Variants in SBNO2 observed in about 807,000 individuals in gnomAD.
SBNO2 encodes strawberry notch homolog 2.
A neutral mutation model predicts 146.3 loss-of-function variants in SBNO2; 89 were observed. The observed-to-expected ratio is 0.61, with a 90% CI of 0.51 to 0.73. The LOEUF (loss-of-function observed/expected upper bound fraction) is 0.73. SBNO2 is among the 30% of genes least tolerant of loss of function. The pLI is 0.00. For missense variants in SBNO2, 2,092 were observed against 2,003.7 expected (o/e 1.04, Z -0.84); for synonymous variants, 1,147 against 892.6 (o/e 1.29, Z -5.08).
rs2080088037 is a variant in SBNO2 at position 1,136,744 on chromosome 19, C to G, written c.280-8979G>C. 6.6e-6 allele frequency among the ~76,000 whole-genome samples: 1 copy of G among 152,222 alleles called. No homozygotes were observed. The highest frequency in any genetic ancestry group is 1.5e-5 in the Non-Finnish European group (1 of 68,036). On this transcript the variant is annotated intron_variant, in intron 4 of 31. Transcript: ENST00000361757. The surrounding 1 kb of genome is among the most constrained non-coding windows in gnomAD (Gnocchi z 4.2). ...GCATCTGACCCCTGCTGAAACGCAT[C>G]TGCAGAACAGTCAATGCTGCCTGCC... is the stretch of plus-strand genomic sequence containing the variant.
At chr19:1,166,615 GCGCACACACACACACA>G (rs1206407734) in intron 1 of SBNO2, among the ~76,000 whole-genome samples, 2 of 98,328 alleles carry the variant, frequency 2.0e-5, no homozygotes, top group Admixed American at 9.0e-5. Context: ...GCAACTGCAC[GCGCACACACACACACA>G]CACACACACA....
Position 1,122,518 on chromosome 19 carries a change from C to G in SBNO2, c.955G>C (p.Asp319His). The change falls in exon 10 of 32, where the codon GAC (aspartate) becomes CAC (histidine). Residue 319 changes from aspartate (D) to histidine (H), a missense_variant. By Grantham distance (81) the Asp-to-His change is moderately conservative. Coordinates refer to ENST00000361757, the MANE Select transcript of SBNO2 (RefSeq NM_014963.3). The part of the protein sequence containing the change: ...SNDLKYDAER[D>H]LRDIEATGIA... Reference sequence around the variant, plus strand: ...CCCGTGGCTTCGATGTCCCGCAGGTCGCGCTCCGCATCGTACTTGAGGTCG... The same window carrying G: ...CCCGTGGCTTCGATGTCCCGCAGGTGGCGCTCCGCATCGTACTTGAGGTCG... The G allele has an allele frequency of 6.4e-7, 1 of 1,564,468 alleles. No individual in the cohort carries two copies. Among genetic ancestry groups the G allele is most frequent in the Non-Finnish European group, 8.6e-7 (1 of 1,156,972 alleles).
At chr19:1,132,013 C>T (rs534018924) in intron 4 of SBNO2, 113 of 1,175,192 alleles carry the variant, frequency 9.6e-5, no homozygotes, top group Middle Eastern at 8.1e-4. Flanking sequence ...GCAGGGGGCC[C>T]GGCCGTCCTG....
At position 1,150,368 on chromosome 19, in the gene SBNO2, T is replaced by C. The variant is rs1003284539; in HGVS notation, c.94-926A>G. On this transcript the variant is annotated intron_variant, in intron 2 of 31. Transcript: ENST00000361757. This position sits in a 1 kb window ranked among gnomAD's most constrained non-coding sequence, Gnocchi z 6.2. ...TGTGGACACCTCGTGCCCTGCAGAA[T>C]GGGCACCCCTCAGCAGGGCCCCCAC... 4.6e-5 allele frequency among the ~76,000 whole-genome samples: 7 copies of C among 151,994 alleles called. No homozygotes were observed. Among genetic ancestry groups the C allele is most frequent in the African/African-American group, 1.7e-4 (7 of 41,386 alleles).
At chr19:1,139,535 C>A (rs74979340) in intron 4 of SBNO2, among the ~76,000 whole-genome samples, 6,151 of 152,210 alleles carry the variant, frequency 0.04, 201 homozygotes, top group East Asian at 0.16. Context: ...TGGCTCGCAC[C>A]TGTAATCCCG....
intron 13 of SBNO2, 53 bp from the exon 14 acceptor site, chr19:1,119,217 C>A: frequency 2.5e-5 from 38 of 1,546,486 alleles, no homozygotes; most frequent in Non-Finnish European, 3.3e-5. Flanking sequence ...GGGGATGGAG[C>A]CACTCGGAGC....
At chr19:1,132,304 C>T (rs1360694061) in intron 4 of SBNO2, 3 of 1,309,040 alleles carry the variant, frequency 2.3e-6, no homozygotes, top group African/African-American at 1.5e-5. Context: ...GCGCCTACTT[C>T]CTCTAAGGCC....
chr19:1,116,426 C>T (rs2079832925), intron 16 of SBNO2, among the ~76,000 whole-genome samples: 1 of 151,570 alleles, frequency 6.6e-6, no homozygotes, highest in Non-Finnish European at 1.5e-5. Flanking sequence ...AGCTCCGACC[C>T]CCAGGCAATG....
chr19:1,150,911 C>T lies in SBNO2; in HGVS notation c.94-1469G>A, dbSNP rs1404569697. On this transcript the variant is annotated intron_variant, in intron 2 of 31. Coordinates refer to ENST00000361757, the MANE Select transcript of SBNO2 (RefSeq NM_014963.3). This position sits in a 1 kb window ranked among gnomAD's most constrained non-coding sequence, Gnocchi z 6.2. ...GGTGACCGCTGCCCCGCTCCTCCAGCTTTTGCATAAAATAAGTTTATCAGC... is the reference window on the plus strand; with the variant it reads ...GGTGACCGCTGCCCCGCTCCTCCAGTTTTTGCATAAAATAAGTTTATCAGC... 6.6e-6 allele frequency among the ~76,000 whole-genome samples: 1 copy of T among 152,202 alleles called. No individual in the cohort carries two copies. The highest frequency in any genetic ancestry group is 1.5e-5 in the Non-Finnish European group (1 of 68,022).
chr19:1,113,598 T>C lies in SBNO2; in HGVS notation c.2184A>G (p.Glu728=). 2 of 1,598,180 alleles carry C rather than the reference T, an allele frequency of 1.3e-6. No homozygotes were observed. The highest frequency in any genetic ancestry group is 8.5e-7 in the Non-Finnish European group (1 of 1,174,434). The change falls in exon 19 of 32, where the codon GAA becomes GAG. Residue 728 remains glutamate, a synonymous_variant. Transcript: ENST00000361757. ...LLDKVRRLGR[E]LPVNTLDELI... is the part of the protein sequence containing the mutation. Reference sequence around the variant, plus strand: ...GCTCGTCCAGGGTGTTGACTGGCAGTTCCCGGCCCAGCCGCCGCACTTTGT... The same window carrying C: ...GCTCGTCCAGGGTGTTGACTGGCAGCTCCCGGCCCAGCCGCCGCACTTTGT...
chr19:1,141,543 G>A (rs1451245987), intron 4 of SBNO2, among the ~76,000 whole-genome samples: 1 of 151,860 alleles, frequency 6.6e-6, no homozygotes, highest in African/African-American at 2.4e-5. Context: ...TTTGTATAGA[G>A]ATGAGGTCTC....
At position 1,112,306 on chromosome 19, in the gene SBNO2, G is replaced by A. The variant is rs951449083; in HGVS notation, c.2516-5C>T. The A allele has an allele frequency of 1.9e-6, 3 of 1,580,306 alleles. No homozygotes were observed. Among genetic ancestry groups the A allele is most frequent in the South Asian group, 2.3e-5 (2 of 87,198 alleles). ...GGTTGGACCGGTGGGTGCGGCCTGG[G>A]GGCAGAGCTGCTCTCAGGGCCCGGC... On this transcript the variant is annotated splice_region_variant and splice_polypyrimidine_tract_variant and intron_variant, in intron 21 of 31. Coordinates refer to ENST00000361757, the MANE Select transcript of SBNO2 (RefSeq NM_014963.3). This position sits in a 1 kb window ranked among gnomAD's most constrained non-coding sequence, Gnocchi z 5.9.
At chr19:1,111,432 G>GC in intron 24 of SBNO2, 74 bp downstream of exon 24, 3 of 1,039,174 alleles carry the variant, frequency 2.9e-6, no homozygotes, top group Non-Finnish European at 4.4e-6. Flanking sequence ...AAAGCCTGCT[G>GC]CCCCAGCTGC....
At chr19:1,147,732 A>G (rs537436528) in intron 3 of SBNO2, among the ~76,000 whole-genome samples, 1 of 152,146 alleles carries the variant, frequency 6.6e-6, no homozygotes, top group South Asian at 2.1e-4. Context: ...GGACTCGGCT[A>G]AGGGTTCATT....
Position 1,108,639 on chromosome 19 carries a change from C to G in SBNO2, c.3682G>C (p.Val1228Leu). ...LQELRLMDAD[V>L]KRRQAPALGC... ...AGGGCGGGCGCCTGCCTGCGCTTCA[C>G]GTCCGCATCCATCAGCCGCAGCTCC... Residue 1228 changes from valine (V) to leucine (L), a missense_variant, in exon 32 of 32, where the codon GTG becomes CTG. Physicochemically the swap from Val to Leu is conservative, Grantham distance 32. Transcript: ENST00000361757. 1 of 1,504,982 alleles carries G rather than the reference C, an allele frequency of 6.6e-7. No homozygotes were observed. The highest frequency in any genetic ancestry group is 8.8e-7 in the Non-Finnish European group (1 of 1,134,384). 93.2% of individuals were successfully genotyped at this position (1,504,982 alleles called of 1,614,324 possible).
At position 1,157,978 on chromosome 19, in the gene SBNO2, GA is replaced by G. The variant is rs1463917680; in HGVS notation, c.-126-3577del. 6.7e-6 allele frequency among the ~76,000 whole-genome samples: 1 copy of G among 149,640 alleles called. No individual in the cohort carries two copies. The highest frequency in any genetic ancestry group is 1.5e-5 in the Non-Finnish European group (1 of 67,554). On this transcript the variant is annotated intron_variant, in intron 1 of 31. Transcript: ENST00000361757. This position sits in a 1 kb window ranked among gnomAD's most constrained non-coding sequence, Gnocchi z 6.8. The stretch of plus-strand genomic sequence containing the variant: ...GCCTCCCAGCTCTCTCCTGAGTCCG[GA>G]TAACTGTCCGCCTCCCAGCTCTCTC...
rs376878829 is a variant in SBNO2, at chr19:1,154,302, C to T, written c.-26G>A. 41 of 1,228,748 alleles carry T rather than the reference C, an allele frequency of 3.3e-5. No individual in the cohort carries two copies. The highest frequency in any genetic ancestry group is 4.0e-5 in the Admixed American group (1 of 24,946). 76.1% of individuals were successfully genotyped at this position (1,228,748 alleles called of 1,614,324 possible). On this transcript the variant is annotated 5_prime_UTR_variant, in exon 2 of 32. Coordinates refer to ENST00000361757, the MANE Select transcript of SBNO2 (RefSeq NM_014963.3). The stretch of plus-strand genomic sequence containing the variant: ...CGGGCGGCAGGCGGGGTGGGGTCCT[C>T]GGCCGGGCAGCAGGCGGCGGGACTC...
chr19:1,149,467 G>C (rs1339780891), intron 2 of SBNO2, 25 bp from the exon 3 acceptor site: 2 of 1,547,868 alleles, frequency 1.3e-6, no homozygotes, highest in East Asian at 4.9e-5. Context: ...GGGCATCAGT[G>C]AGTGGGAAGC....
intron 4 of SBNO2, among the ~76,000 whole-genome samples, chr19:1,130,986 C>T (rs992267513): frequency 1.1e-4 from 16 of 152,156 alleles, no homozygotes; most frequent in African/African-American, 3.4e-4. Flanking sequence ...CAGAGGGAGA[C>T]GGGGTTCCCA....
Sources: allele counts gnomAD v4.1 joint callset (sites outside exome capture counted in the v4.1 genomes callset), GRCh38; gene constraint gnomAD v4.1.1; non-coding constraint Gnocchi (gnomAD v3.1); transcripts MANE v1.5; gene names NCBI Gene and HGNC (gene_info 2026-07-23, HGNC 2026-07-21).